Variants in ARNT2 observed in about 807,000 individuals in gnomAD.
ARNT2 encodes aryl hydrocarbon receptor nuclear translocator 2.
Under a neutral mutation model 91.7 loss-of-function variants are expected in ARNT2, and 36 were observed. The ratio of observed to expected loss-of-function variants is 0.39; its 90% CI spans 0.30 to 0.52. ARNT2 has a LOEUF of 0.52. Ranked by LOEUF, ARNT2 falls within the 20% of genes least tolerant of loss-of-function variation. ARNT2 has a pLI of 0.72. For synonymous variants in ARNT2, 365 were observed against 347.1 expected (o/e 1.05, Z -0.57); for missense variants, 775 against 939.3 (o/e 0.83, Z 2.29).
chr15:80,433,481 T>G (rs962974970), intron 1 of ARNT2, among the ~76,000 whole-genome samples: 4 of 151,970 alleles, frequency 2.6e-5, no homozygotes, highest in South Asian at 2.1e-4. Flanking sequence ...AGACGAGGTT[T>G]CACCATGTTG....
At chr15:80,506,242 T>A (rs1199668473) in intron 5 of ARNT2, among the ~76,000 whole-genome samples, 1 of 152,216 alleles carries the variant, frequency 6.6e-6, no homozygotes, top group Non-Finnish European at 1.5e-5. Flanking sequence ...GGCCCCAACA[T>A]TTGTTAAAAA....
chr15:80,574,228 T>G lies in ARNT2; in HGVS notation c.1389+8T>G. ...TCGTATGACTTATCCCAGGTGAGTT[T>G]CTGGAAAACCCTTTCCCTGTTGGAA... On this transcript the variant is annotated splice_region_variant and intron_variant, in intron 13 of 18. Transcript: ENST00000303329. 6.2e-7 allele frequency: 1 copy of G among 1,613,714 alleles called. No individual in the cohort carries two copies. Among genetic ancestry groups the G allele is most frequent in the Non-Finnish European group, 8.5e-7 (1 of 1,179,560 alleles).
At chr15:80,553,219 T>C (rs958958658) in intron 10 of ARNT2, among the ~76,000 whole-genome samples, 2 of 152,182 alleles carry the variant, frequency 1.3e-5, no homozygotes, top group African/African-American at 2.4e-5. Flanking sequence ...AGACTCTTTT[T>C]TGAAAAGTCA....
intron 8 of ARNT2, among the ~76,000 whole-genome samples, chr15:80,547,650 C>A (rs1375401761): frequency 6.6e-6 from 1 of 152,148 alleles, no homozygotes; most frequent in African/African-American, 2.4e-5. Flanking sequence ...TCAAGGAAAA[C>A]AATTGACAGT....
At position 80,413,657 on chromosome 15, in the gene ARNT2, A is replaced by G. The variant is rs1028120083; in HGVS notation, c.31+9111A>G. Among the ~76,000 whole-genome samples, 115 of 152,206 alleles carry G rather than the reference A, an allele frequency of 7.6e-4. 6 individuals are homozygous for G. The highest frequency in any genetic ancestry group is 2.9e-5 in the Non-Finnish European group (2 of 68,034). On this transcript the variant is annotated intron_variant, in intron 1 of 18. Coordinates refer to ENST00000303329, the MANE Select transcript of ARNT2 (RefSeq NM_014862.4). ...CTATCCAGGCTTAGGTGGCAAAAGGAAAGACTCTGAGGTAGGACAGCCTGG... is the reference window on the plus strand; with the variant it reads ...CTATCCAGGCTTAGGTGGCAAAAGGGAAGACTCTGAGGTAGGACAGCCTGG...
intron 9 of ARNT2, 68 bp from the exon 10 acceptor site, chr15:80,552,572 C>G: frequency 2.6e-6 from 4 of 1,553,020 alleles, no homozygotes; most frequent in Non-Finnish European, 3.5e-6. Flanking sequence ...TTATTCTTCT[C>G]ATCTCTGTCA....
At chr15:80,455,544 G>A (rs530577209) in intron 2 of ARNT2, among the ~76,000 whole-genome samples, 18 of 152,120 alleles carry the variant, frequency 1.2e-4, no homozygotes, top group Non-Finnish European at 2.4e-4. Flanking sequence ...TATCTGTCTG[G>A]TCCCACAAAG....
chr15:80,450,961 C>A lies in ARNT2; in HGVS notation c.113C>A (p.Ala38Asp). Residue 38 changes from alanine (A) to aspartate (D), a missense_variant, in exon 2 of 19, where the codon GCC becomes GAC. Ala to Asp is a moderately radical substitution (Grantham distance 126). This residue lies in a region of ARNT2 where 79 missense variants were observed against 83.8 expected (regional missense o/e 0.94). Transcript: ENST00000303329. ...AATGQVRMAG[A>D]MPARGGKRRS... ...ACCGGACAGGTGAGGATGGCGGGGG[C>A]CATGCCTGCCCGTGGAGGAAAGCGG... The A allele has an allele frequency of 1.2e-6, 2 of 1,614,004 alleles. No individual in the cohort carries two copies. The highest frequency in any genetic ancestry group is 1.7e-6 in the Non-Finnish European group (2 of 1,179,990).
chr15:80,510,200 G>A (rs1003949855), intron 6 of ARNT2, among the ~76,000 whole-genome samples: 1 of 152,056 alleles, frequency 6.6e-6, no homozygotes, highest in Non-Finnish European at 1.5e-5. Context: ...CAAAGGTTCC[G>A]CTAAAGTCTT....
intron 2 of ARNT2, among the ~76,000 whole-genome samples, chr15:80,454,618 C>T (rs527550756): frequency 1.2e-4 from 18 of 152,298 alleles, no homozygotes; most frequent in African/African-American, 3.8e-4. Flanking sequence ...AGTCCAGGCT[C>T]TGAAGGAGGA....
At chr15:80,575,992 C>T (rs1469502895) in intron 14 of ARNT2, among the ~76,000 whole-genome samples, 4 of 152,176 alleles carry the variant, frequency 2.6e-5, no homozygotes, top group Non-Finnish European at 4.4e-5. Flanking sequence ...CAGGCACTGT[C>T]GTAAGCACTT....
At chr15:80,504,784 AT>A (rs55841513) in intron 5 of ARNT2, among the ~76,000 whole-genome samples, 74,104 of 148,890 alleles carry the variant, frequency 0.5, 19,728 homozygotes, top group African/African-American at 0.68. Context: ...AAAAAAAAAA[AT>A]GGAAATCAGG....
At chr15:80,458,882 G>C (rs1464217050) in intron 3 of ARNT2, among the ~76,000 whole-genome samples, 3 of 152,112 alleles carry the variant, frequency 2.0e-5, no homozygotes, top group Non-Finnish European at 4.4e-5. Flanking sequence ...GGTGACGGTT[G>C]CTTTTCTTCT....
At chr15:80,523,757 G>A (rs1013137373) in intron 8 of ARNT2, among the ~76,000 whole-genome samples, 4 of 152,184 alleles carry the variant, frequency 2.6e-5, no homozygotes, top group African/African-American at 9.7e-5. Context: ...ACAGGTGACT[G>A]CATCCAGAGA....
chr15:80,512,470 C>G (rs76281612), intron 6 of ARNT2, among the ~76,000 whole-genome samples: 105 of 152,352 alleles, frequency 6.9e-4, no homozygotes, highest in African/African-American at 2.5e-3. Context: ...TAACTTAGGA[C>G]TGGGTCCCCA....
At chr15:80,514,688 C>T (rs181507717) in intron 8 of ARNT2, among the ~76,000 whole-genome samples, 5 of 152,240 alleles carry the variant, frequency 3.3e-5, no homozygotes, top group African/African-American at 1.2e-4. Context: ...AGATGGAGAC[C>T]ACCCTGGCTA....
chr15:80,578,718 G>T (rs530573332), intron 15 of ARNT2, among the ~76,000 whole-genome samples: 197 of 152,152 alleles, frequency 1.3e-3, no homozygotes, highest in African/African-American at 4.5e-3. Flanking sequence ...TCCAAGGAAC[G>T]TCCGAACACC....
At chr15:80,565,089 A>T (rs1898453712) in intron 12 of ARNT2, among the ~76,000 whole-genome samples, 1 of 151,754 alleles carries the variant, frequency 6.6e-6, no homozygotes, top group Non-Finnish European at 1.5e-5. Context: ...CGCCTGGCTG[A>T]TTTTTTTGTA....
At chr15:80,454,795 C>G (rs967276177) in intron 2 of ARNT2, among the ~76,000 whole-genome samples, 1 of 152,174 alleles carries the variant, frequency 6.6e-6, no homozygotes, top group Non-Finnish European at 1.5e-5. Context: ...ATTACAGTCA[C>G]CGTCAGGGAG....
Sources: gnomAD v4.1 joint callset for allele counts (sites outside exome capture counted in the v4.1 genomes callset) on GRCh38, gnomAD v4.1.1 for gene constraint, gnomAD v4.1.1 regional missense constraint, MANE v1.5 for transcripts, NCBI Gene and HGNC (gene_info 2026-07-23, HGNC 2026-07-21) for gene names.